METTL14: variants seen among roughly 807,000 people sequenced by gnomAD.
METTL14 encodes methyltransferase 14, N6-adenosine-methyltransferase non-catalytic subunit, also known as N(6)-adenosine-methyltransferase non-catalytic subunit METTL14.
METTL14 carries 32 observed loss-of-function variants against 62.4 expected under a neutral mutation model. The ratio of observed to expected loss-of-function variants is 0.51; its 90% CI spans 0.39 to 0.69. The LOEUF is 0.69. Ranked by LOEUF, METTL14 falls within the 30% of genes least tolerant of loss-of-function variation. The pLI is 0.00. For missense variants in METTL14, 340 were observed against 551.9 expected, an observed-to-expected ratio of 0.62 and a Z score of 3.85; for synonymous variants, 150 against 180.0, an observed-to-expected ratio of 0.83 and a Z score of 1.34.
At chr4:118,692,226 C>CTT (rs11387432) in intron 5 of METTL14, among the ~76,000 whole-genome samples, 158 bp downstream of exon 5, 2,290 of 131,416 alleles carry the variant, frequency 0.017, 71 homozygotes, top group African/African-American at 0.056. Context: ...CTTTTCTTTT[C>CTT]TTTTTTTTTT....
Position 118,687,996 on chromosome 4 carries a change from CAA to C in METTL14, c.141_142del (p.Glu49AsnfsTer7). ...GATGAGCAGAGAGAAATTGCTGAAA[CAA>C]GAGAAACTTGCAGGTCAGTCAGATA... is the stretch of plus-strand genomic sequence containing the variant. On this transcript the variant is annotated frameshift_variant, in exon 2 of 11. Transcript: ENST00000388822. LOFTEE classifies it high-confidence loss of function. 6.3e-7 allele frequency: 1 copy of C among 1,587,604 alleles called. No individual in the cohort carries two copies. The highest frequency in any genetic ancestry group is 1.4e-5 in the African/African-American group (1 of 73,704).
At position 118,710,442 on chromosome 4, in the gene METTL14, G is replaced by A. The variant is rs1231603149; in HGVS notation, c.*140G>A. On this transcript the variant is annotated 3_prime_UTR_variant, in exon 11 of 11. Coordinates refer to ENST00000388822, the MANE Select transcript of METTL14 (RefSeq NM_020961.4). ...CTCTGAGCTGCAAGAATGTCTTAGC[G>A]AGCCTTGCTTGCAGTTGTCACACAC... 5 of 830,016 alleles carry A rather than the reference G, an allele frequency of 6.0e-6. No individual in the cohort carries two copies. The highest frequency in any genetic ancestry group is 2.7e-5 in the East Asian group (1 of 37,218). The allele number at this position is 830,016 out of a possible 1,614,324, so 51.4% of individuals were successfully genotyped here.
intron 1 of METTL14, among the ~76,000 whole-genome samples, chr4:118,687,194 G>A (rs1724093677): frequency 6.6e-6 from 1 of 152,064 alleles, no homozygotes; most frequent in South Asian, 2.1e-4. Context: ...GAAGTGTTTT[G>A]GATTTCAGAT....
At position 118,688,105 on chromosome 4, in the gene METTL14, G is replaced by A. The variant is rs1579064131; in HGVS notation, c.155+94G>A. Reference sequence around the variant, plus strand: ...GGCTGGAGTACAGTAGCATGATTATGGCTCACTGCAGCCTTGACTCCTGGG... The same window carrying A: ...GGCTGGAGTACAGTAGCATGATTATAGCTCACTGCAGCCTTGACTCCTGGG... On this transcript the variant is annotated intron_variant, in intron 2 of 10. Coordinates refer to ENST00000388822, the MANE Select transcript of METTL14 (RefSeq NM_020961.4). The A allele has an allele frequency of 4.5e-5, 44 of 983,272 alleles. No individual in the cohort carries two copies. In the East Asian group the frequency reaches 1.1e-3, roughly 26 times the overall value. The allele number at this position is 983,272 out of a possible 1,614,324, so 60.9% of individuals were successfully genotyped here. A position where few individuals can be genotyped will look rare whatever the true frequency, so the allele number is the denominator to read the frequency against.
At chr4:118,705,933 C>T in intron 10 of METTL14, 112 bp downstream of exon 10, 1 of 864,394 alleles carries the variant, frequency 1.2e-6, no homozygotes, top group Non-Finnish European at 1.8e-6. Context: ...CCTTTTCTTG[C>T]TGTACTTCAA....
At chr4:118,693,794 T>A (rs1724322520) in intron 5 of METTL14, among the ~76,000 whole-genome samples, 1 of 152,180 alleles carries the variant, frequency 6.6e-6, no homozygotes, top group South Asian at 2.1e-4. Flanking sequence ...GTCTTGAAAT[T>A]TGACTATAAT....
rs1232810692 is a variant in METTL14 at position 118,712,361 on chromosome 4, A to C, written c.*2059A>C. On this transcript the variant is annotated 3_prime_UTR_variant, in exon 11 of 11. Transcript: ENST00000388822. ...GCTGGGCATGGTGGCTCATGCCTGT[A>C]ATCCCAGCACTTTGTGAGGCCGATG... 2 of 152,240 alleles carry C rather than the reference A, an allele frequency of 1.3e-5. No individual in the cohort carries two copies. The highest frequency in any genetic ancestry group is 2.4e-5 in the African/African-American group (1 of 41,460). The allele number at this position is 152,240 out of a possible 1,614,324, so 9.4% of individuals were successfully genotyped here.
rs2110462497 is a variant in METTL14 at position 118,685,697 on chromosome 4, C to T, written c.66+97C>T. 5 of 1,047,970 alleles carry T rather than the reference C, an allele frequency of 4.8e-6. No homozygotes were observed. The South Asian group carries it at 5.4e-5, about 11-fold the overall frequency. The allele number at this position is 1,047,970 out of a possible 1,614,324, so 64.9% of individuals were successfully genotyped here. ...CCCGCCTTTTTCTGTCCCTTCTCTA[C>T]CTGCCGCTGTTAAGGCCTTTCTGGT... On this transcript the variant is annotated intron_variant, in intron 1 of 10. Coordinates refer to ENST00000388822, the MANE Select transcript of METTL14 (RefSeq NM_020961.4).
At chr4:118,700,112 G>A (rs1724542992) in intron 7 of METTL14, among the ~76,000 whole-genome samples, 1 of 151,714 alleles carries the variant, frequency 6.6e-6, no homozygotes, top group African/African-American at 2.4e-5. Context: ...AAGTTCTTCT[G>A]TAGACACTGG....
intron 5 of METTL14, among the ~76,000 whole-genome samples, 198 bp from the exon 6 acceptor site, chr4:118,694,238 G>A (rs1323618732): frequency 6.6e-6 from 1 of 151,552 alleles, no homozygotes; most frequent in Non-Finnish European, 1.5e-5. Context: ...TAGAACATCT[G>A]GGTTTTTACT....
intron 6 of METTL14, among the ~76,000 whole-genome samples, chr4:118,696,117 CA>C (rs70941201): frequency 0.021 from 696 of 33,834 alleles, 1 homozygote; most frequent in African/African-American, 0.064. Context: ...GACTCTGTCT[CA>C]AAAAAAAAAA....
chr4:118,707,451 G>A (rs1031666787), intron 10 of METTL14, among the ~76,000 whole-genome samples: 4 of 151,964 alleles, frequency 2.6e-5, no homozygotes, highest in African/African-American at 9.7e-5. Context: ...ATCACTTGAG[G>A]TCAGGAGTTT....
Position 118,710,519 on chromosome 4 carries a change from C to T in METTL14, c.*217C>T, listed in dbSNP as rs190648195. The T allele has an allele frequency of 5.8e-5, 29 of 500,844 alleles. No homozygotes were observed. The highest frequency in any genetic ancestry group is 4.0e-4 in the African/African-American group (21 of 52,200). The allele number at this position is 500,844 out of a possible 1,614,324, so 31.0% of individuals were successfully genotyped here. On this transcript the variant is annotated 3_prime_UTR_variant, in exon 11 of 11. Transcript: ENST00000388822. ...GAATGATTCTGCCTTTTGTTATGTG[C>T]GTGAACAGAATGGAACAACTCAAGT...
At chr4:118,694,843 A>G (rs1014793130) in intron 6 of METTL14, among the ~76,000 whole-genome samples, 5 of 151,792 alleles carry the variant, frequency 3.3e-5, no homozygotes, top group Admixed American at 6.6e-5. Flanking sequence ...TGTCCAGGCT[A>G]GAGTGTGGAG....
At chr4:118,702,117 TC>T (rs1724610875) in intron 8 of METTL14, among the ~76,000 whole-genome samples, 1 of 145,468 alleles carries the variant, frequency 6.9e-6, no homozygotes, top group Non-Finnish European at 1.5e-5. Flanking sequence ...AAGGTTTTTA[TC>T]TTTTTTTTTT....
chr4:118,710,082 A>G lies in METTL14; in HGVS notation c.1151A>G (p.Tyr384Cys), dbSNP rs769905308. 6 of 1,614,110 alleles carry G rather than the reference A, an allele frequency of 3.7e-6. No homozygotes were observed. The highest frequency in any genetic ancestry group is 1.3e-5 in the African/African-American group (1 of 74,942). ...YASYFSAPNSYLTGCTEEIER... is the reference protein window; with the variant it reads ...YASYFSAPNSCLTGCTEEIER... ...TCCTATTTCAGTGCTCCTAATTCCTACTTGACTGGTTGTACAGAAGAAATT... is the reference window on the plus strand; with the variant it reads ...TCCTATTTCAGTGCTCCTAATTCCTGCTTGACTGGTTGTACAGAAGAAATT... The change falls in exon 11 of 11, where the codon TAC becomes TGC. Residue 384 changes from tyrosine to cysteine, a missense_variant. Around this residue, in one of 7 missense-constraint regions of METTL14, gnomAD observed 62 missense variants for 82.3 expected, o/e 0.75. Coordinates refer to ENST00000388822, the MANE Select transcript of METTL14 (RefSeq NM_020961.4).
rs1177333454 is a variant in METTL14 at position 118,712,620 on chromosome 4, A to C, written c.*2318A>C. On this transcript the variant is annotated 3_prime_UTR_variant, in exon 11 of 11. Coordinates refer to ENST00000388822, the MANE Select transcript of METTL14 (RefSeq NM_020961.4). ...GGGCGACAGAGTGAGACTCTGTCTC[A>C]AAAAAAAAAAAAAAAATTGTATAGA... 2 of 56,450 alleles carry C rather than the reference A, an allele frequency of 3.5e-5. No homozygotes were observed. Among genetic ancestry groups the C allele is most frequent in the Admixed American group, 1.3e-4 (1 of 7,582 alleles). The allele number at this position is 56,450 out of a possible 1,614,324, so 3.5% of individuals were successfully genotyped here.
Position 118,700,676 on chromosome 4 carries a change from A to G in METTL14, c.738+34A>G, listed in dbSNP as rs756299465. 2.5e-5 allele frequency: 36 copies of G among 1,464,298 alleles called. No individual in the cohort carries two copies. The East Asian group carries it at 8.0e-4, about 32-fold the overall frequency. 90.7% of individuals were successfully genotyped at this position (1,464,298 alleles called of 1,614,324 possible). Reference sequence around the variant, plus strand: ...GTGCTTTTATAAAGTGGATTTTTAAATTAATAAGAAAAAAATGTAACAGTA... The same window carrying G: ...GTGCTTTTATAAAGTGGATTTTTAAGTTAATAAGAAAAAAATGTAACAGTA... On this transcript the variant is annotated intron_variant, in intron 8 of 10. Transcript: ENST00000388822.
At position 118,711,385 on chromosome 4, in the gene METTL14, TATC is replaced by T. The variant is rs1401704352; in HGVS notation, c.*1086_*1088del. 5.3e-5 allele frequency: 8 copies of T among 152,356 alleles called. No homozygotes were observed. Among genetic ancestry groups the T allele is most frequent in the East Asian group, 1.9e-4 (1 of 5,188 alleles). The allele number at this position is 152,356 out of a possible 1,614,324, so 9.4% of individuals were successfully genotyped here. On this transcript the variant is annotated 3_prime_UTR_variant, in exon 11 of 11. Transcript: ENST00000388822. The stretch of plus-strand genomic sequence containing the variant: ...GAATTTGATAATGAAATTATACTAT[TATC>T]ATTCTTGATGAATACTTTTCTTATT...
Sources: allele counts gnomAD v4.1 joint callset (sites outside exome capture counted in the v4.1 genomes callset), GRCh38; gene constraint gnomAD v4.1.1; regional missense constraint gnomAD v4.1.1; transcripts MANE v1.5; gene names NCBI Gene and HGNC (gene_info 2026-07-23, HGNC 2026-07-21).